The following DYNC2LI1 variants were observed in gnomAD, a reference collection of about 807,000 sequenced individuals.
DYNC2LI1 encodes cytoplasmic dynein 2 light intermediate chain 1.
A neutral mutation model predicts 51.9 loss-of-function variants in DYNC2LI1; 45 were observed. The ratio of observed to expected loss-of-function variants is 0.87; its 90% CI spans 0.68 to 1.11. The LOEUF is 1.11. DYNC2LI1 is among the 50% of genes most tolerant of loss of function. The pLI, the probability that DYNC2LI1 is intolerant of heterozygous loss-of-function variation, is 0.00. For missense variants in DYNC2LI1, 490 were observed against 417.4 expected (o/e 1.17, Z -1.51); for synonymous variants, 130 against 137.8 (o/e 0.94, Z 0.40).
intron 3 of DYNC2LI1, among the ~76,000 whole-genome samples, chr2:43,786,684 G>C (rs1673534744): frequency 6.6e-6 from 1 of 152,052 alleles, no homozygotes; most frequent in Non-Finnish European, 1.5e-5. Context: ...AAATTAGCTG[G>C]GCCTGGTGGC....
Position 43,801,649 on chromosome 2 carries a change from T to C in DYNC2LI1, c.742T>C (p.Cys248Arg). 6.2e-7 allele frequency: 1 copy of C among 1,608,390 alleles called. No homozygotes were observed. Among genetic ancestry groups the C allele is most frequent in the Non-Finnish European group, 8.5e-7 (1 of 1,177,078 alleles). The change falls in exon 10 of 13, where the codon TGT (cysteine) becomes CGT (arginine). Residue 248 changes from cysteine to arginine, a missense_variant. Physicochemically the swap from Cys to Arg is radical, Grantham distance 180. Coordinates refer to ENST00000260605, the MANE Select transcript of DYNC2LI1 (RefSeq NM_016008.4). Reference protein sequence around the residue: ...AFGIDKSKSICVDQNKPLFIT... With the variant: ...AFGIDKSKSIRVDQNKPLFIT... ...CTCTTCTCCACGTAGCAAATCAATA[T>C]GTGTGGATCAGAATAAACCGCTGTT...
At chr2:43,799,425 G>A (rs1666000871) in intron 8 of DYNC2LI1, among the ~76,000 whole-genome samples, 2 of 152,166 alleles carry the variant, frequency 1.3e-5, no homozygotes, top group Admixed American at 1.3e-4. Flanking sequence ...AGGACCAGGA[G>A]AATATCACCT....
chr2:43,813,816 C>G (rs1666642459), downstream of DYNC2LI1, among the ~76,000 whole-genome samples: 1 of 137,506 alleles, frequency 7.3e-6, no homozygotes, highest in Admixed American at 8.0e-5. Context: ...CTCCCAGATT[C>G]AAGTGATTCT....
At chr2:43,783,327 G>T (rs534373903) in intron 2 of DYNC2LI1, among the ~76,000 whole-genome samples, 193 bp from the exon 3 acceptor site, 36 of 152,280 alleles carry the variant, frequency 2.4e-4, no homozygotes, top group African/African-American at 8.4e-4. Context: ...GTTACACTGT[G>T]ATGGAAAGTT....
intron 8 of DYNC2LI1, among the ~76,000 whole-genome samples, chr2:43,797,929 C>A (rs1665939206): frequency 6.6e-6 from 1 of 152,008 alleles, no homozygotes; most frequent in African/African-American, 2.4e-5. Context: ...AGTTTCAGAC[C>A]AGCCTGGGCA....
intron 6 of DYNC2LI1, chr2:43,795,063 C>T: frequency 9.7e-7 from 1 of 1,025,738 alleles, no homozygotes; most frequent in East Asian, 8.4e-5. Context: ...ACATTCATTT[C>T]GTTTCTGTCA....
At chr2:43,789,077 G>C (rs1194155607) in intron 4 of DYNC2LI1, among the ~76,000 whole-genome samples, 1 of 152,314 alleles carries the variant, frequency 6.6e-6, no homozygotes, top group South Asian at 2.1e-4. Flanking sequence ...TAGCCTGTCA[G>C]ATTCTCCACA....
chr2:43,814,654 GA>G (rs1265607799), downstream of DYNC2LI1: 2 of 924,162 alleles, frequency 2.2e-6, no homozygotes, highest in African/African-American at 3.3e-5. Context: ...CAAATGAAAA[GA>G]AAGGCAATCC....
intron 5 of DYNC2LI1, chr2:43,792,986 C>A: frequency 2.1e-6 from 1 of 487,000 alleles, no homozygotes; most frequent in Non-Finnish European, 3.3e-6. Flanking sequence ...CTGTTTAAAT[C>A]TCTTCCTTCA....
At chr2:43,808,045 T>G (rs935480343) in intron 12 of DYNC2LI1, among the ~76,000 whole-genome samples, 2 of 152,228 alleles carry the variant, frequency 1.3e-5, no homozygotes, top group Non-Finnish European at 2.9e-5. Flanking sequence ...AACAACATTT[T>G]CACCTTTGTC....
At chr2:43,818,819 A>C in the DYNC2LI1 span, among the ~76,000 whole-genome samples, 4 of 152,172 alleles carry the variant, frequency 2.6e-5, no homozygotes, top group African/African-American at 9.7e-5. Context: ...TTTCATATTG[A>C]TTATTTCCGT....
At chr2:43,796,845 G>C in intron 8 of DYNC2LI1, 50 bp downstream of exon 8, 2 of 1,441,944 alleles carry the variant, frequency 1.4e-6, no homozygotes, top group Non-Finnish European at 1.9e-6. Context: ...ACCAAATTTG[G>C]GGAAATCAGC....
intron 11 of DYNC2LI1, 79 bp downstream of exon 11, chr2:43,804,818 T>A: frequency 1.2e-6 from 1 of 834,250 alleles, no homozygotes. Flanking sequence ...AAGGGCTTAT[T>A]ATGATAACTT....
In DYNC2LI1 at chr2:43,782,011, A is replaced by ATGTGTGTGTGTGTGTGTGTG. The variant is rs72178749; in HGVS notation, c.127-1503_127-1484dup. On this transcript the variant is annotated intron_variant, in intron 2 of 12. Transcript: ENST00000260605. ...TACATTTGTGTGTTTGTTTCTGTCT[A>ATGTGTGTGTGTGTGTGTGTG]TGTGTGTGTGTGTGTGTGTGTGTGT... Among the ~76,000 whole-genome samples the ATGTGTGTGTGTGTGTGTGTG allele has an allele frequency of 8.0e-3, 1,191 of 148,730 alleles. 17 individuals carry two copies. The highest frequency in any genetic ancestry group is 0.023 in the African/African-American group (936 of 40,528).
In DYNC2LI1 at chr2:43,796,704, A is replaced by C. The variant is rs781030445; in HGVS notation, c.577-14A>C. 6.3e-7 allele frequency: 1 copy of C among 1,592,112 alleles called. No homozygotes were observed. The highest frequency in any genetic ancestry group is 1.7e-5 in the Admixed American group (1 of 59,862). On this transcript the variant is annotated splice_polypyrimidine_tract_variant and intron_variant, in intron 7 of 12. Coordinates refer to ENST00000260605, the MANE Select transcript of DYNC2LI1 (RefSeq NM_016008.4). ...TTGGTTATCTTGACTTTTTAAAATAACATATTTCTACAGGATTTTGAGTCT... is the reference window on the plus strand; with the variant it reads ...TTGGTTATCTTGACTTTTTAAAATACCATATTTCTACAGGATTTTGAGTCT...
At chr2:43,822,904 C>A in the DYNC2LI1 span, 1 of 1,614,118 alleles carries the variant, frequency 6.2e-7, no homozygotes, top group Non-Finnish European at 8.5e-7. Context: ...CGTCCTGACT[C>A]TCCTGGTCGC....
chr2:43,790,255 T>C (rs1250829209), intron 5 of DYNC2LI1, among the ~76,000 whole-genome samples: 1 of 152,228 alleles, frequency 6.6e-6, no homozygotes, highest in Non-Finnish European at 1.5e-5. Context: ...TTGAGTGATG[T>C]TTTCCTGACA....
the DYNC2LI1 span, among the ~76,000 whole-genome samples, chr2:43,818,412 T>C: frequency 2.6e-5 from 4 of 152,238 alleles, no homozygotes; most frequent in East Asian, 7.7e-4. Flanking sequence ...CCATTGCACT[T>C]CAGCCTGGGC....
chr2:43,807,423 C>T (rs1461378339), intron 12 of DYNC2LI1, among the ~76,000 whole-genome samples: 1 of 151,884 alleles, frequency 6.6e-6, no homozygotes, highest in Admixed American at 6.6e-5. Context: ...CTTGCTGAGC[C>T]CTTCTACCTC....
Sources: gnomAD v4.1 joint callset for allele counts (sites outside exome capture counted in the v4.1 genomes callset) on GRCh38, gnomAD v4.1.1 for gene constraint, MANE v1.5 for transcripts, NCBI Gene and HGNC (gene_info 2026-07-23, HGNC 2026-07-21) for gene names.